SIL1: variants seen among roughly 807,000 people sequenced by gnomAD.
SIL1 encodes SIL1 nucleotide exchange factor.
SIL1 carries 40 observed loss-of-function variants against 49.1 expected under a neutral mutation model. That is an observed-to-expected ratio of 0.81 (90% CI 0.63 to 1.06). The LOEUF is 1.06. Among genes scored for constraint, SIL1 ranks in the 50% least tolerant of loss-of-function variants. The pLI, the probability that SIL1 is intolerant of heterozygous loss-of-function variation, is 0.00. For missense variants in SIL1, 500 were observed against 572.6 expected, an observed-to-expected ratio of 0.87 and a Z score of 1.29; for synonymous variants, 253 against 250.8, an observed-to-expected ratio of 1.01 and a Z score of -0.08.
At chr5:139,117,701 C>A (rs1243600026) in intron 3 of SIL1, among the ~76,000 whole-genome samples, 1 of 152,084 alleles carries the variant, frequency 6.6e-6, no homozygotes, top group Non-Finnish European at 1.5e-5. Context: ...AGGCAGATCC[C>A]AAAATAAACC....
chr5:138,968,974 C>T (rs373974497), intron 7 of SIL1, among the ~76,000 whole-genome samples: 1 of 152,132 alleles, frequency 6.6e-6, no homozygotes, highest in South Asian at 2.1e-4. Flanking sequence ...CATGGGTCCT[C>T]CTCACTGCAT....
chr5:138,954,941 A>G (rs1384306589), intron 7 of SIL1, among the ~76,000 whole-genome samples: 2 of 152,248 alleles, frequency 1.3e-5, no homozygotes, highest in Non-Finnish European at 2.9e-5. Flanking sequence ...CACTGTGGCC[A>G]AAAGATAATT....
At chr5:139,024,676 G>A (rs1467882669) in intron 6 of SIL1, among the ~76,000 whole-genome samples, 2 of 152,212 alleles carry the variant, frequency 1.3e-5, no homozygotes, top group Non-Finnish European at 2.9e-5. Context: ...TACTGCAATA[G>A]CCTCCTATCT....
rs76535322 is a variant in SIL1, at chr5:139,050,311, T to C, written c.353+627A>G. On this transcript the variant is annotated intron_variant, in intron 4 of 9. Transcript: ENST00000394817. The stretch of plus-strand genomic sequence containing the variant: ...CCTGCAACTCCATGCCTCAACCTCC[T>C]TCCCCCTCATTCAGGAAATATCAAG... Among the ~76,000 whole-genome samples, 143 of 152,224 alleles carry C rather than the reference T, an allele frequency of 9.4e-4. 2 individuals are homozygous for C. The East Asian group carries it at 9.9e-3, about 10-fold the overall frequency.
chr5:139,000,646 T>G (rs1371077890), intron 7 of SIL1, among the ~76,000 whole-genome samples: 1 of 152,102 alleles, frequency 6.6e-6, no homozygotes, highest in Non-Finnish European at 1.5e-5. Context: ...CAGAAGATAA[T>G]ATAGGCAAAT....
At chr5:138,990,319 C>G (rs1269526683) in intron 7 of SIL1, among the ~76,000 whole-genome samples, 1 of 152,184 alleles carries the variant, frequency 6.6e-6, no homozygotes, top group African/African-American at 2.4e-5. Flanking sequence ...AACAGCAACT[C>G]TAACCAGGGC....
At chr5:139,019,901 G>T (rs557983389) in intron 7 of SIL1, among the ~76,000 whole-genome samples, 2 of 149,710 alleles carry the variant, frequency 1.3e-5, no homozygotes, top group African/African-American at 4.8e-5. Flanking sequence ...TAAAAAGTGA[G>T]CTTTAGTAAG....
chr5:138,950,426 G>A (rs530172970), intron 9 of SIL1, among the ~76,000 whole-genome samples: 2 of 152,354 alleles, frequency 1.3e-5, no homozygotes, highest in East Asian at 3.9e-4. Flanking sequence ...TGGGAGAGAA[G>A]GCCTGGGGGA....
chr5:139,141,022 G>GTCCCCCCGCATTTTA (rs1242031315), intron 1 of SIL1, among the ~76,000 whole-genome samples: 23 of 152,068 alleles, frequency 1.5e-4, no homozygotes, highest in African/African-American at 5.6e-4. Flanking sequence ...CTGCCAAGAC[G>GTCCCCCCGCATTTTA]TCCCCCCGCA....
intron 7 of SIL1, among the ~76,000 whole-genome samples, chr5:138,959,407 C>G (rs769191813): frequency 6.6e-6 from 1 of 152,326 alleles, no homozygotes; most frequent in Non-Finnish European, 1.5e-5. Context: ...GGCAGCTTTA[C>G]GCTAGTTTAA....
chr5:138,961,034 A>G lies in SIL1; in HGVS notation c.768-9150T>C, dbSNP rs958793837. On this transcript the variant is annotated intron_variant, in intron 7 of 9. Transcript: ENST00000394817. The stretch of plus-strand genomic sequence containing the variant: ...AGTAGAATGTGTTAAACTTTTCTAT[A>G]TGGAGGGATGGGGGAGGGAGGACTT... Among the ~76,000 whole-genome samples, 3 of 152,218 alleles carry G rather than the reference A, an allele frequency of 2.0e-5. No homozygotes were observed. In the East Asian group the frequency reaches 5.8e-4, roughly 29 times the overall value.
intron 1 of SIL1, among the ~76,000 whole-genome samples, chr5:139,154,253 T>C (rs1003721089): frequency 4.6e-5 from 7 of 152,182 alleles, no homozygotes; most frequent in Non-Finnish European, 8.8e-5. Flanking sequence ...AAAATAAACC[T>C]TCATCAACAA....
intron 3 of SIL1, among the ~76,000 whole-genome samples, chr5:139,057,193 A>G (rs541477745): frequency 0.018 from 2,744 of 150,688 alleles, 83 homozygotes; most frequent in African/African-American, 0.065. Context: ...AAGGCCGCAG[A>G]GTCCTCTGCC....
At chr5:139,085,583 A>G (rs1770200232) in intron 3 of SIL1, among the ~76,000 whole-genome samples, 1 of 152,138 alleles carries the variant, frequency 6.6e-6, no homozygotes, top group Non-Finnish European at 1.5e-5. Context: ...AGGCTGGGAG[A>G]AAGGAAGGAA....
At chr5:139,107,509 T>C (rs1227866889) in intron 3 of SIL1, among the ~76,000 whole-genome samples, 3 of 152,130 alleles carry the variant, frequency 2.0e-5, no homozygotes, top group Non-Finnish European at 2.9e-5. Context: ...TATACAACAG[T>C]AGTAACTAAA....
chr5:139,123,910 CT>C (rs1272958670), intron 2 of SIL1, among the ~76,000 whole-genome samples: 1 of 152,116 alleles, frequency 6.6e-6, no homozygotes, highest in Non-Finnish European at 1.5e-5. Context: ...TTGCAACCTT[CT>C]TTTTTTCTTT....
At position 138,978,109 on chromosome 5, in the gene SIL1, T is replaced by A. The variant is rs571550165; in HGVS notation, c.768-26225A>T. Among the ~76,000 whole-genome samples, 5 of 152,368 alleles carry A rather than the reference T, an allele frequency of 3.3e-5. No homozygotes were observed. In the South Asian group the frequency reaches 1.0e-3, roughly 32 times the overall value. ...TACCACACAATTCACCCATTTAAAG[T>A]GTACAACTCAATAGCTTTTTGTGTA... is the stretch of plus-strand genomic sequence containing the variant. On this transcript the variant is annotated intron_variant, in intron 7 of 9. Coordinates refer to ENST00000394817, the MANE Select transcript of SIL1 (RefSeq NM_022464.5).
At chr5:138,961,699 G>C (rs1767022884) in intron 7 of SIL1, among the ~76,000 whole-genome samples, 1 of 151,918 alleles carries the variant, frequency 6.6e-6, no homozygotes, top group Non-Finnish European at 1.5e-5. Context: ...AGCTCGAACT[G>C]TGCCCCCTGA....
At chr5:139,001,716 C>T (rs537126283) in intron 7 of SIL1, among the ~76,000 whole-genome samples, 4 of 151,800 alleles carry the variant, frequency 2.6e-5, no homozygotes, top group South Asian at 2.1e-4. Context: ...ACCAGCCTGA[C>T]CAACATAGTG....
Sources: gnomAD v4.1 joint callset for allele counts (sites outside exome capture counted in the v4.1 genomes callset) on GRCh38, gnomAD v4.1.1 for gene constraint, MANE v1.5 for transcripts, NCBI Gene and HGNC (gene_info 2026-07-23, HGNC 2026-07-21) for gene names.